The following ECT2L variants were observed in gnomAD, a reference collection of about 807,000 sequenced individuals.
ECT2L encodes epithelial cell-transforming sequence 2 oncogene-like.
ECT2L carries 126 observed loss-of-function variants against 122.8 expected under a neutral mutation model. The ratio of observed to expected loss-of-function variants is 1.03; its 90% confidence interval spans 0.89 to 1.19. The LOEUF is 1.19. Among genes scored for constraint, ECT2L ranks in the 50% most tolerant of loss-of-function variants. The pLI is 0.00. For missense variants in ECT2L, 1,012 were observed against 1,064.1 expected, an observed-to-expected ratio of 0.95 and a Z score of 0.68; for synonymous variants, 385 against 381.8, an observed-to-expected ratio of 1.01 and a Z score of -0.10.
At chr6:138,885,939 T>A in intron 18 of ECT2L, 109 bp downstream of exon 18, 1 of 1,127,872 alleles carries the variant, frequency 8.9e-7, no homozygotes, top group Non-Finnish European at 1.3e-6. Flanking sequence ...TTCTTCGCTT[T>A]AAAGTCTTTC....
At chr6:138,866,148 A>T (rs982133434) in intron 12 of ECT2L, among the ~76,000 whole-genome samples, 17 of 120,492 alleles carry the variant, frequency 1.4e-4, no homozygotes, top group African/African-American at 5.2e-4. Flanking sequence ...TATTTTTCAT[A>T]GTTTTTTTTT....
chr6:138,878,294 T>TAC (rs1163295483), intron 14 of ECT2L, among the ~76,000 whole-genome samples: 1 of 105,214 alleles, frequency 9.5e-6, no homozygotes, highest in Non-Finnish European at 1.9e-5. Flanking sequence ...AGGATTTAGA[T>TAC]ACATATATAT....
Position 138,880,878 on chromosome 6 carries a change from G to A in ECT2L, c.1666-79G>A, listed in dbSNP as rs959046928. The A allele has an allele frequency of 7.9e-6, 10 of 1,273,320 alleles. No individual in the cohort carries two copies. The Admixed American group carries it at 1.9e-4, about 24-fold the overall frequency. The allele number at this position is 1,273,320 out of a possible 1,614,324, so 78.9% of individuals were successfully genotyped here. A position where few individuals can be genotyped will look rare whatever the true frequency, so the allele number is the denominator to read the frequency against. ...CCTGAACAGCACAAACCAGCAAGGG[G>A]GGTCTCCGTGTAGCTGCCTGACTGC... On this transcript the variant is annotated intron_variant, in intron 14 of 21. Transcript: ENST00000541398.
At chr6:138,878,837 C>T (rs1778554053) in intron 14 of ECT2L, 1 of 152,348 alleles carries the variant, frequency 6.6e-6, no homozygotes, top group Non-Finnish European at 1.5e-5. Flanking sequence ...TTAGCCATAC[C>T]ATTAGCCACT....
chr6:138,818,797 G>A (rs1184405798), intron 4 of ECT2L, among the ~76,000 whole-genome samples: 2 of 152,044 alleles, frequency 1.3e-5, no homozygotes, highest in South Asian at 2.1e-4. Context: ...CAGGACTCTC[G>A]CTGATGACAG....
At chr6:138,822,075 G>A (rs920166346) in intron 4 of ECT2L, among the ~76,000 whole-genome samples, 7 of 152,238 alleles carry the variant, frequency 4.6e-5, no homozygotes, top group Admixed American at 2.0e-4. Context: ...TTACAAATTT[G>A]TTAGAGCAGC....
At position 138,813,185 on chromosome 6, in the gene ECT2L, C is replaced by T. The variant is rs895892030; in HGVS notation, c.-90C>T. The T allele has an allele frequency of 2.5e-6, 2 of 812,960 alleles. No individual in the cohort carries two copies. The highest frequency in any genetic ancestry group is 2.5e-5 in the East Asian group (1 of 40,432). 50.4% of individuals were successfully genotyped at this position (812,960 alleles called of 1,614,324 possible). ...GGTTATTTCTAGGTGATCTTAATTG[C>T]ACACCTATTGAAATAAACCTGTAGT... On this transcript the variant is annotated 5_prime_UTR_variant, in exon 3 of 22. Coordinates refer to ENST00000541398, the MANE Select transcript of ECT2L (RefSeq NM_001077706.3).
intron 1 of ECT2L, among the ~76,000 whole-genome samples, chr6:138,801,490 A>G (rs74762495): frequency 6.6e-6 from 1 of 152,166 alleles, no homozygotes; most frequent in South Asian, 2.1e-4. Flanking sequence ...GGTGGCCCAC[A>G]CCTGTAATCC....
chr6:138,869,606 C>T (rs557531417), intron 13 of ECT2L, among the ~76,000 whole-genome samples: 1 of 152,274 alleles, frequency 6.6e-6, no homozygotes, highest in African/African-American at 2.4e-5. Flanking sequence ...ACAGAGGTGC[C>T]CCCTCACTGT....
chr6:138,815,577 T>G (rs1776041070), intron 4 of ECT2L, among the ~76,000 whole-genome samples: 1 of 152,188 alleles, frequency 6.6e-6, no homozygotes, highest in Non-Finnish European at 1.5e-5. Context: ...TCTGAAACAT[T>G]GTCCTTTTGA....
chr6:138,836,794 C>T (rs545629569), intron 4 of ECT2L, among the ~76,000 whole-genome samples: 61 of 152,196 alleles, frequency 4.0e-4, no homozygotes, highest in African/African-American at 1.5e-3. Context: ...TAATTATATA[C>T]TTTGATACTC....
At chr6:138,811,803 G>A (rs183322514) in intron 1 of ECT2L, among the ~76,000 whole-genome samples, 16 of 152,156 alleles carry the variant, frequency 1.1e-4, no homozygotes, top group South Asian at 6.2e-4. Context: ...CTCAGCCTCC[G>A]AAGTAGCTGG....
intron 19 of ECT2L, among the ~76,000 whole-genome samples, chr6:138,887,320 G>A (rs940174901): frequency 6.6e-6 from 1 of 151,018 alleles, no homozygotes; most frequent in Non-Finnish European, 1.5e-5. Flanking sequence ...TCCACCTCCC[G>A]GGTTCACACC....
intron 13 of ECT2L, among the ~76,000 whole-genome samples, chr6:138,875,112 T>C (rs1455670210): frequency 6.6e-6 from 1 of 152,036 alleles, no homozygotes; most frequent in Non-Finnish European, 1.5e-5. Context: ...CAAGTAGATC[T>C]CCTCCCTGGC....
intron 14 of ECT2L, among the ~76,000 whole-genome samples, chr6:138,878,104 A>C (rs1778517073): frequency 6.6e-6 from 1 of 152,204 alleles, no homozygotes; most frequent in Non-Finnish European, 1.5e-5. Flanking sequence ...TTTAAACAAC[A>C]AGGTGTTTGA....
intron 1 of ECT2L, among the ~76,000 whole-genome samples, chr6:138,802,597 C>A (rs946480246): frequency 1.3e-5 from 2 of 152,190 alleles, no homozygotes; most frequent in Non-Finnish European, 2.9e-5. Context: ...ATATCTCAAT[C>A]ATTTAATCAC....
At chr6:138,883,151 G>T (rs1240457202) in intron 16 of ECT2L, among the ~76,000 whole-genome samples, 1 of 152,182 alleles carries the variant, frequency 6.6e-6, no homozygotes, top group African/African-American at 2.4e-5. Context: ...ACAGGAAAAT[G>T]CTCCACAGTT....
chr6:138,825,106 G>A (rs985674821), intron 4 of ECT2L, among the ~76,000 whole-genome samples: 1 of 152,148 alleles, frequency 6.6e-6, no homozygotes, highest in East Asian at 1.9e-4. Flanking sequence ...TAGGCCAGAC[G>A]GTCAGGGAAA....
chr6:138,901,223 C>T (rs1779386574), intron 21 of ECT2L, 103 bp downstream of exon 21: 2 of 1,234,654 alleles, frequency 1.6e-6, no homozygotes, highest in Admixed American at 4.9e-5. Flanking sequence ...TATAATTTAC[C>T]AGGTTGCAAA....
Sources: allele counts gnomAD v4.1 joint callset (sites outside exome capture counted in the v4.1 genomes callset), GRCh38; gene constraint gnomAD v4.1.1; transcripts MANE v1.5; gene names NCBI Gene and HGNC (gene_info 2026-07-23, HGNC 2026-07-21).